The following NAA15 variants were observed in gnomAD, a reference collection of about 807,000 sequenced individuals.
NAA15 encodes N-terminal acetyltransferase.
A neutral mutation model predicts 114.0 loss-of-function variants in NAA15; 34 were observed. The ratio of observed to expected loss-of-function variants is 0.30; its 90% CI spans 0.23 to 0.40. NAA15 has a LOEUF of 0.40. Ranked by LOEUF, NAA15 falls within the 10% of genes least tolerant of loss-of-function variation. The pLI is 1.00. For missense variants in NAA15, 658 were observed against 1,004.5 expected (o/e 0.66, Z 4.66); for synonymous variants, 340 against 338.0 (o/e 1.01, Z -0.06).
intron 14 of NAA15, among the ~76,000 whole-genome samples, chr4:139,369,893 C>T (rs1046539512): frequency 5.9e-5 from 9 of 151,982 alleles, no homozygotes; most frequent in Non-Finnish European, 1.2e-4. Context: ...CAACCTCTGC[C>T]TCCTGGGTTC....
intron 1 of NAA15, among the ~76,000 whole-genome samples, chr4:139,325,216 C>G (rs1189834029): frequency 6.6e-6 from 1 of 151,792 alleles, no homozygotes; most frequent in Non-Finnish European, 1.5e-5. Context: ...TTTTTATTGT[C>G]CATTTGATTA....
At chr4:139,368,109 T>C (rs1036297068) in intron 14 of NAA15, among the ~76,000 whole-genome samples, 3 of 152,212 alleles carry the variant, frequency 2.0e-5, no homozygotes, top group Non-Finnish European at 4.4e-5. Flanking sequence ...CAGCAGTATC[T>C]CATGTCCAGG....
At chr4:139,321,160 A>G (rs1222925888) in intron 1 of NAA15, among the ~76,000 whole-genome samples, 1 of 148,844 alleles carries the variant, frequency 6.7e-6, no homozygotes, top group Non-Finnish European at 1.5e-5. Flanking sequence ...ATTTTTTTCT[A>G]TTTAATCGAC....
chr4:139,303,969 A>G (rs1483876311), intron 1 of NAA15, among the ~76,000 whole-genome samples: 2 of 152,060 alleles, frequency 1.3e-5, no homozygotes, highest in Non-Finnish European at 2.9e-5. Flanking sequence ...CCAGGCTGGA[A>G]TGCAGTGGCG....
At chr4:139,312,474 A>G (rs979579484) in intron 1 of NAA15, among the ~76,000 whole-genome samples, 1 of 151,922 alleles carries the variant, frequency 6.6e-6, no homozygotes, top group African/African-American at 2.4e-5. Flanking sequence ...TTTTCCTCCT[A>G]GGTAAGATAG....
intron 1 of NAA15, among the ~76,000 whole-genome samples, chr4:139,329,533 G>T (rs1281234654): frequency 6.6e-6 from 1 of 152,182 alleles, no homozygotes; most frequent in Non-Finnish European, 1.5e-5. Flanking sequence ...TGGGTCTAAA[G>T]TAATACTCTA....
chr4:139,380,855 A>G (rs1269731235), intron 17 of NAA15, among the ~76,000 whole-genome samples: 1 of 152,216 alleles, frequency 6.6e-6, no homozygotes, highest in Non-Finnish European at 1.5e-5. Flanking sequence ...AGATATCCAA[A>G]TAGTGGCATC....
At chr4:139,338,562 C>T (rs1486851967) in intron 3 of NAA15, among the ~76,000 whole-genome samples, 1 of 152,122 alleles carries the variant, frequency 6.6e-6, no homozygotes, top group Non-Finnish European at 1.5e-5. Context: ...ATTCTCCTGC[C>T]TCAGCCTCCC....
intron 1 of NAA15, among the ~76,000 whole-genome samples, chr4:139,309,883 C>T (rs1034901582): frequency 5.9e-5 from 9 of 152,050 alleles, no homozygotes; most frequent in Non-Finnish European, 1.2e-4. Context: ...TTAGATGTGT[C>T]AAAGTCTTGC....
At chr4:139,329,219 T>A (rs1746914277) in intron 1 of NAA15, among the ~76,000 whole-genome samples, 1 of 152,080 alleles carries the variant, frequency 6.6e-6, no homozygotes. Context: ...TTCTATTTGT[T>A]TTTTTCGAAT....
rs1305092336 is a variant in NAA15, at chr4:139,301,762, G to GGGAGCAGCC, written c.-12_-4dup. 15 of 1,564,780 alleles carry GGGAGCAGCC rather than the reference G, an allele frequency of 9.6e-6. No homozygotes were observed. Among genetic ancestry groups the GGGAGCAGCC allele is most frequent in the East Asian group, 2.4e-5 (1 of 41,338 alleles). ...CGAGCCGGGTGGTGGCGGGAGCAGC[G>GGGAGCAGCC]GGAGCAGCCGGAACGATGCCGGCCG... On this transcript the variant is annotated 5_prime_UTR_variant, in exon 1 of 20. Transcript: ENST00000296543.
chr4:139,356,794 A>G (rs534478973), intron 10 of NAA15, among the ~76,000 whole-genome samples: 1 of 152,282 alleles, frequency 6.6e-6, no homozygotes, highest in South Asian at 2.1e-4. Flanking sequence ...ATGAACTAAA[A>G]TATAAAAATT....
At chr4:139,369,028 T>C (rs1748359766) in intron 14 of NAA15, among the ~76,000 whole-genome samples, 1 of 152,232 alleles carries the variant, frequency 6.6e-6, no homozygotes, top group South Asian at 2.1e-4. Flanking sequence ...GAGTTATTCA[T>C]TTATTGTGTT....
At chr4:139,308,717 G>C (rs970386853) in intron 1 of NAA15, among the ~76,000 whole-genome samples, 1 of 152,114 alleles carries the variant, frequency 6.6e-6, no homozygotes, top group African/African-American at 2.4e-5. Flanking sequence ...CCAGGTTCAA[G>C]TGATTCTCCT....
At chr4:139,309,271 C>T (rs1027633767) in intron 1 of NAA15, among the ~76,000 whole-genome samples, 1 of 151,426 alleles carries the variant, frequency 6.6e-6, no homozygotes, top group Non-Finnish European at 1.5e-5. Flanking sequence ...TTATTTGAAC[C>T]CAGGAGGTGG....
At chr4:139,348,009 G>A (rs1267114001) in intron 6 of NAA15, among the ~76,000 whole-genome samples, 2 of 149,772 alleles carry the variant, frequency 1.3e-5, no homozygotes, top group African/African-American at 2.5e-5. Flanking sequence ...TCCGCAGTCC[G>A]GCCTGGGCGA....
rs1747776947 is a variant in NAA15, at chr4:139,351,489, A to T, written c.908-16A>T. 1 of 1,437,948 alleles carries T rather than the reference A, an allele frequency of 7.0e-7. No homozygotes were observed. The highest frequency in any genetic ancestry group is 9.7e-7 in the Non-Finnish European group (1 of 1,026,290). The allele number at this position is 1,437,948 out of a possible 1,614,324, so 89.1% of individuals were successfully genotyped here. A position where few individuals can be genotyped will look rare whatever the true frequency, so the allele number is the denominator to read the frequency against. On this transcript the variant is annotated splice_polypyrimidine_tract_variant and intron_variant, in intron 8 of 19. Coordinates refer to ENST00000296543, the MANE Select transcript of NAA15 (RefSeq NM_057175.5). ...TACTTGATAAATATAAGCGAAAAGGATTTTTCTCTTCCAAGGTGAGAAGTT... is the reference window on the plus strand; with the variant it reads ...TACTTGATAAATATAAGCGAAAAGGTTTTTTCTCTTCCAAGGTGAGAAGTT...
intron 10 of NAA15, among the ~76,000 whole-genome samples, chr4:139,354,636 T>C (rs889893667): frequency 1.3e-5 from 2 of 152,156 alleles, no homozygotes; most frequent in Non-Finnish European, 2.9e-5. Context: ...ATGTAAAATT[T>C]TAAAAACATC....
intron 1 of NAA15, among the ~76,000 whole-genome samples, chr4:139,324,771 C>T (rs1250583363): frequency 6.6e-6 from 1 of 152,046 alleles, no homozygotes; most frequent in African/African-American, 2.4e-5. Context: ...TTTTTTGTTA[C>T]TTTTTCCTTT....
Sources: gnomAD v4.1 joint callset for allele counts (sites outside exome capture counted in the v4.1 genomes callset) on GRCh38, gnomAD v4.1.1 for gene constraint, MANE v1.5 for transcripts, NCBI Gene and HGNC (gene_info 2026-07-23, HGNC 2026-07-21) for gene names.